CLMP: variants seen among roughly 807,000 people sequenced by gnomAD.
CLMP encodes the protein CXADR like cell adhesion molecule, also known as CXADR-like membrane protein.
CLMP carries 27 observed loss-of-function variants against 45.2 expected under a neutral mutation model. The ratio of observed to expected loss-of-function variants is 0.60; its 90% CI spans 0.44 to 0.82. The LOEUF (loss-of-function observed/expected upper bound fraction) is 0.82, where lower values mean the gene tolerates loss of function less well. Ranked by LOEUF, CLMP falls within the 40% of genes least tolerant of loss-of-function variation. CLMP has a pLI of 0.00. For missense variants in CLMP, 403 were observed against 448.4 expected (o/e 0.90, Z 0.91); for synonymous variants, 167 against 171.4 (o/e 0.97, Z 0.20).
At chr11:123,157,722 C>CAAAAAAAAAAAAAAAAAAAAAAAA (rs869197042) in intron 1 of CLMP, among the ~76,000 whole-genome samples, 1 of 71,190 alleles carries the variant, frequency 1.4e-5, no homozygotes. Flanking sequence ...GAGTGAAACT[C>CAAAAAAAAAAAAAAAAAAAAAAAA]AAAAAAAAAA....
chr11:123,135,947 TC>T, intron 1 of CLMP: 1 of 554,180 alleles, frequency 1.8e-6, no homozygotes, highest in Non-Finnish European at 3.6e-6. Context: ...GCAAAAAGCC[TC>T]CCACAAATCT....
At chr11:123,158,283 T>C (rs947627423) in intron 1 of CLMP, among the ~76,000 whole-genome samples, 7 of 152,334 alleles carry the variant, frequency 4.6e-5, no homozygotes, top group African/African-American at 1.7e-4. Context: ...CAATCCTTTT[T>C]AATGAGTTAT....
At chr11:123,178,849 A>G (rs1861731903) in intron 1 of CLMP, among the ~76,000 whole-genome samples, 1 of 152,150 alleles carries the variant, frequency 6.6e-6, no homozygotes, top group African/African-American at 2.4e-5. Flanking sequence ...CAGTTTACGT[A>G]TTGGTAGAAT....
In CLMP at chr11:123,167,519, TCGTGATCCGCCTGCCTTGGCCTCCCAAA is replaced by T. The variant is rs567773711; in HGVS notation, c.28+27366_28+27393del. ...CCAGGATGGTCTCGATCTCCTGACC[TCGTGATCCGCCTGCCTTGGCCTCCCAAA>T]GTGCTGGGATTACAGGCATGAGCCA... On this transcript the variant is annotated intron_variant, in intron 1 of 6. Coordinates refer to ENST00000448775, the MANE Select transcript of CLMP (RefSeq NM_024769.5). 7.0e-3 allele frequency among the ~76,000 whole-genome samples: 1,060 copies of T among 152,212 alleles called. 10 individuals carry two copies. The highest frequency in any genetic ancestry group is 0.024 in the African/African-American group (997 of 41,536).
intron 2 of CLMP, among the ~76,000 whole-genome samples, chr11:123,089,709 G>A (rs540354244): frequency 6.7e-5 from 10 of 149,028 alleles, no homozygotes; most frequent in African/African-American, 2.0e-4. Context: ...CCCAGGAGGC[G>A]GAGCTTGCAG....
At chr11:123,098,958 G>A (rs920859291) in intron 1 of CLMP, among the ~76,000 whole-genome samples, 15 of 152,190 alleles carry the variant, frequency 9.9e-5, no homozygotes, top group East Asian at 1.9e-4. Flanking sequence ...CTCCCAAAGT[G>A]CTGGGATTGC....
intron 1 of CLMP, among the ~76,000 whole-genome samples, chr11:123,128,654 T>C (rs1007131114): frequency 1.3e-5 from 2 of 151,856 alleles, no homozygotes; most frequent in Non-Finnish European, 2.9e-5. Context: ...GGTGAGACCA[T>C]GTCTCAAAAA....
intron 1 of CLMP, among the ~76,000 whole-genome samples, chr11:123,133,380 G>A (rs1009322293): frequency 6.6e-6 from 1 of 151,636 alleles, no homozygotes; most frequent in African/African-American, 2.4e-5. Context: ...TCCTCCTCTC[G>A]GTCTGACCAC....
intron 1 of CLMP, among the ~76,000 whole-genome samples, chr11:123,179,747 G>A (rs1367583729): frequency 6.6e-6 from 1 of 152,218 alleles, no homozygotes. Context: ...CCTTGGGCTT[G>A]CCGGGGGTTC....
chr11:123,079,446 T>G (rs1485725057), intron 5 of CLMP, among the ~76,000 whole-genome samples: 5 of 152,138 alleles, frequency 3.3e-5, no homozygotes, highest in African/African-American at 4.8e-5. Flanking sequence ...CCTGTTACTT[T>G]TTTTGTTTTG....
chr11:123,100,863 G>A (rs1242840195), intron 1 of CLMP, among the ~76,000 whole-genome samples: 1 of 151,366 alleles, frequency 6.6e-6, no homozygotes, highest in Admixed American at 6.6e-5. Flanking sequence ...CCCCAAAACA[G>A]GCTTCAATAC....
At chr11:123,084,746 G>A (rs1013255351) in intron 2 of CLMP, 33 bp from the exon 3 acceptor site, 10 of 1,583,770 alleles carry the variant, frequency 6.3e-6, no homozygotes, top group South Asian at 1.1e-5. Flanking sequence ...GTCAAGCAGC[G>A]TAACTCTCAG....
At chr11:123,096,902 C>T (rs1446288851) in intron 2 of CLMP, among the ~76,000 whole-genome samples, 1 of 151,846 alleles carries the variant, frequency 6.6e-6, no homozygotes, top group African/African-American at 2.4e-5. Flanking sequence ...CCTTGACCTC[C>T]TGGGCTCAAG....
intron 1 of CLMP, among the ~76,000 whole-genome samples, chr11:123,171,884 A>G (rs1254058538): frequency 6.6e-6 from 1 of 152,240 alleles, no homozygotes; most frequent in African/African-American, 2.4e-5. Flanking sequence ...GATAATAAGG[A>G]CAAAAATAAT....
chr11:123,186,685 G>A (rs1404972131), intron 1 of CLMP, among the ~76,000 whole-genome samples: 2 of 152,092 alleles, frequency 1.3e-5, no homozygotes, highest in Non-Finnish European at 2.9e-5. Context: ...ACCACACCAG[G>A]CTCATTTTTA....
intron 1 of CLMP, among the ~76,000 whole-genome samples, chr11:123,118,946 TTTC>T (rs1565387658): frequency 9.6e-5 from 2 of 20,770 alleles, no homozygotes; most frequent in Non-Finnish European, 2.0e-4. Flanking sequence ...TCTTTCTTTC[TTTC>T]TTTCTTTCTT....
chr11:123,170,999 A>C (rs561762834), intron 1 of CLMP, among the ~76,000 whole-genome samples: 1 of 152,322 alleles, frequency 6.6e-6, no homozygotes, highest in East Asian at 1.9e-4. Context: ...ACAACATATT[A>C]TGATATTTGT....
chr11:123,168,352 C>T (rs1263812343), intron 1 of CLMP, among the ~76,000 whole-genome samples: 1 of 152,164 alleles, frequency 6.6e-6, no homozygotes, highest in African/African-American at 2.4e-5. Context: ...GGGCAGCTGC[C>T]CCCCCTGGTT....
intron 5 of CLMP, among the ~76,000 whole-genome samples, chr11:123,077,332 ATTAT>A (rs1438891266): frequency 6.8e-6 from 1 of 147,322 alleles, no homozygotes; most frequent in African/African-American, 2.5e-5. Context: ...AAATGATACA[ATTAT>A]TTATTTATTT....
Sources: gnomAD v4.1 joint callset for allele counts (sites outside exome capture counted in the v4.1 genomes callset) on GRCh38, gnomAD v4.1.1 for gene constraint, MANE v1.5 for transcripts, NCBI Gene and HGNC (gene_info 2026-07-23, HGNC 2026-07-21) for gene names.